The following ANKRD26 variants were observed in gnomAD, a reference collection of about 807,000 sequenced individuals.
The protein encoded by ANKRD26 is ankyrin repeat domain-containing protein 26.
Under a neutral mutation model 208.7 loss-of-function variants are expected in ANKRD26, and 141 were observed. That is an observed-to-expected ratio of 0.68 (90% CI 0.59 to 0.78). ANKRD26 has a LOEUF of 0.78. ANKRD26 is among the 30% of genes least tolerant of loss of function. The pLI is 0.00. For missense variants in ANKRD26, 1,889 were observed against 1,938.7 expected, an observed-to-expected ratio of 0.97 and a Z score of 0.48; for synonymous variants, 636 against 660.4, an observed-to-expected ratio of 0.96 and a Z score of 0.57.
rs76776378 is a variant in ANKRD26 at position 26,977,946 on chromosome 10, C to T, written c.*282-1904G>A. On this transcript the variant is annotated intron_variant and NMD_transcript_variant, in intron 5 of 5. Coordinates refer to the ANKRD26 transcript ENST00000674670. ...AACAAAACAAAACAAACAACAACAA[C>T]AAAAAAAACAGGCTCCCAAATTCCC... Among the ~76,000 whole-genome samples, 19 of 151,768 alleles carry T rather than the reference C, an allele frequency of 1.3e-4. No individual in the cohort carries two copies. In the South Asian group the frequency reaches 3.1e-3, roughly 25 times the overall value.
At chr10:27,082,077 GA>G (rs2055941884) in intron 6 of ANKRD26, among the ~76,000 whole-genome samples, 1 of 17,730 alleles carries the variant, frequency 5.6e-5, no homozygotes, top group African/African-American at 9.4e-5. Context: ...AAAAAAAAGG[GA>G]GAGAGAGAAA....
chr10:26,969,937 C>T (rs1466038833), downstream of ANKRD26, among the ~76,000 whole-genome samples: 5 of 151,658 alleles, frequency 3.3e-5, no homozygotes, highest in South Asian at 2.1e-4. Context: ...CAGGTTCAAG[C>T]GATCTTCCTG....
intron 12 of ANKRD26, among the ~76,000 whole-genome samples, chr10:27,062,685 C>G (rs2055100486): frequency 6.6e-6 from 1 of 152,154 alleles, no homozygotes; most frequent in African/African-American, 2.4e-5. Context: ...CTTGATCTCT[C>G]CATAACCAAC....
intron 5 of ANKRD26, among the ~76,000 whole-genome samples, chr10:26,992,888 A>AT (rs2052515471): frequency 6.6e-6 from 1 of 152,178 alleles, no homozygotes; most frequent in Admixed American, 6.5e-5. Flanking sequence ...TAAATACAAC[A>AT]TTGAGTTTTT....
At chr10:27,059,736 C>A (rs1352726199) in intron 15 of ANKRD26, among the ~76,000 whole-genome samples, 2 of 150,768 alleles carry the variant, frequency 1.3e-5, no homozygotes, top group African/African-American at 4.9e-5. Flanking sequence ...CATGGTGAAA[C>A]CCTGTCTCTA....
chr10:26,951,019 C>G, the ANKRD26 span, among the ~76,000 whole-genome samples: 1 of 48,582 alleles, frequency 2.1e-5, no homozygotes, highest in African/African-American at 5.6e-5. Context: ...TTTTCTTTTT[C>G]TTTTTTTTTT....
chr10:27,047,343 G>T (rs2135327763), intron 17 of ANKRD26, among the ~76,000 whole-genome samples: 1 of 152,206 alleles, frequency 6.6e-6, no homozygotes, highest in South Asian at 2.1e-4. Context: ...ATAATGGGCT[G>T]GTCACGGAGG....
At chr10:27,039,861 T>C in intron 21 of ANKRD26, 104 bp downstream of exon 21, 1 of 1,080,134 alleles carries the variant, frequency 9.3e-7, no homozygotes, top group African/African-American at 1.6e-5. Flanking sequence ...GACTAAGAAG[T>C]TTTCTTCCCT....
intron 6 of ANKRD26, among the ~76,000 whole-genome samples, chr10:27,081,195 T>A (rs2055894130): frequency 6.6e-6 from 1 of 152,230 alleles, no homozygotes; most frequent in African/African-American, 2.4e-5. Flanking sequence ...CTGAACCCCC[T>A]ATTTTAATAT....
At position 27,019,669 on chromosome 10, in the gene ANKRD26, G is replaced by A. The variant is rs188474313; in HGVS notation, c.4216-1877C>T. 2.6e-3 allele frequency among the ~76,000 whole-genome samples: 397 copies of A among 152,200 alleles called. 2 individuals carry two copies. Among genetic ancestry groups the A allele is most frequent in the Middle Eastern group, 0.014 (4 of 294 alleles). Reference sequence around the variant, plus strand: ...AAACTTTCTCCTCAATAGCTCTTACGTCTTTCTCCTGGCTATCTGCTTAAC... The same window carrying A: ...AAACTTTCTCCTCAATAGCTCTTACATCTTTCTCCTGGCTATCTGCTTAAC... On this transcript the variant is annotated intron_variant, in intron 29 of 33. Transcript: ENST00000376087.
At chr10:26,975,989 C>T (rs1223906759) in exon 6 of ANKRD26, among the ~76,000 whole-genome samples, 2 of 151,998 alleles carry the variant, frequency 1.3e-5, no homozygotes, top group Non-Finnish European at 2.9e-5. Context: ...GCATCCTATT[C>T]CCCCAATTGC....
chr10:27,030,074 T>C (rs2053813999), intron 25 of ANKRD26, among the ~76,000 whole-genome samples: 1 of 152,256 alleles, frequency 6.6e-6, no homozygotes, highest in African/African-American at 2.4e-5. Flanking sequence ...TATAGTGAGC[T>C]ATATATAATA....
intron 1 of ANKRD26, 90 bp from the exon 2 acceptor site, chr10:27,093,889 T>A (rs1221459558): frequency 2.8e-6 from 3 of 1,070,768 alleles, no homozygotes; most frequent in African/African-American, 3.1e-5. Flanking sequence ...AAATAGCATG[T>A]TGATATGGTT....
intron 4 of ANKRD26, among the ~76,000 whole-genome samples, chr10:26,997,581 T>C (rs2134712152): frequency 6.6e-6 from 1 of 152,266 alleles, no homozygotes; most frequent in South Asian, 2.1e-4. Flanking sequence ...TTTCTGAGAC[T>C]GAGAGGTTTG....
At chr10:27,098,759 C>T (rs2135782011) in intron 1 of ANKRD26, among the ~76,000 whole-genome samples, 1 of 151,886 alleles carries the variant, frequency 6.6e-6, no homozygotes, top group East Asian at 2.0e-4. Context: ...CTGTGTTAGC[C>T]AGGATGGTCT....
chr10:27,091,936 G>A (rs760970993), intron 4 of ANKRD26, among the ~76,000 whole-genome samples: 3 of 151,640 alleles, frequency 2.0e-5, no homozygotes, highest in Non-Finnish European at 2.9e-5. Flanking sequence ...GCAGTGAGCT[G>A]AGATTGCGCC....
chr10:27,067,221 T>C lies in ANKRD26; in HGVS notation c.1143A>G (p.Pro381=). ...AATTGTCATTATTTGTTTGCTCTAG[T>C]GGAGCACTTTCAATAATATCAATAC... is the stretch of plus-strand genomic sequence containing the variant. ...ENGIDIIESA[P]LEQTNNDNLT... The change falls in exon 10 of 34, where the codon CCA becomes CCG. Residue 381 remains proline (P), a synonymous_variant. Transcript: ENST00000376087. The C allele has an allele frequency of 1.9e-6, 3 of 1,613,844 alleles. No homozygotes were observed. The highest frequency in any genetic ancestry group is 2.5e-6 in the Non-Finnish European group (3 of 1,179,826).
intron 29 of ANKRD26, among the ~76,000 whole-genome samples, chr10:27,021,559 C>T (rs1189727522): frequency 2.6e-5 from 4 of 152,070 alleles, no homozygotes; most frequent in African/African-American, 9.7e-5. Context: ...GCATTTTTTC[C>T]GTATACCTTT....
intron 29 of ANKRD26, among the ~76,000 whole-genome samples, chr10:27,020,647 T>A (rs563040281): frequency 6.6e-6 from 1 of 152,312 alleles, no homozygotes; most frequent in African/African-American, 2.4e-5. Context: ...CATTCCATCC[T>A]GTATATACAC....
Sources: allele counts gnomAD v4.1 joint callset (sites outside exome capture counted in the v4.1 genomes callset), GRCh38; gene constraint gnomAD v4.1.1; transcripts MANE v1.5; gene names NCBI Gene and HGNC (gene_info 2026-07-23, HGNC 2026-07-21).